Variants in TECPR1 observed in about 807,000 individuals in gnomAD.
The protein encoded by TECPR1 is tectonin beta-propeller repeat-containing protein 1.
TECPR1 carries 122 observed loss-of-function variants against 162.4 expected under a neutral mutation model. The ratio of observed to expected loss-of-function variants is 0.75; its 90% CI spans 0.65 to 0.87. The LOEUF (loss-of-function observed/expected upper bound fraction) is 0.87. TECPR1 is among the 40% of genes least tolerant of loss of function. The pLI, the probability that TECPR1 is intolerant of heterozygous loss-of-function variation, is 0.00. For synonymous variants in TECPR1, 642 were observed against 670.6 expected, an observed-to-expected ratio of 0.96 and a Z score of 0.66; for missense variants, 1,432 against 1,618.2, an observed-to-expected ratio of 0.88 and a Z score of 1.97.
chr7:98,239,060 T>C (rs146077507), intron 8 of TECPR1, among the ~76,000 whole-genome samples: 172 of 152,386 alleles, frequency 1.1e-3, no homozygotes, highest in African/African-American at 4.0e-3. Context: ...TAAAGTGAAG[T>C]ATTTTCATGT....
At chr7:98,239,439 C>T (rs1798690515) in intron 8 of TECPR1, among the ~76,000 whole-genome samples, 1 of 152,186 alleles carries the variant, frequency 6.6e-6, no homozygotes, top group Non-Finnish European at 1.5e-5. Context: ...CTTGGAACCC[C>T]AGCTACTTGG....
rs1167165428 is a variant in TECPR1, at chr7:98,232,166, C to T, written c.1819-207G>A. On this transcript the variant is annotated intron_variant, in intron 12 of 25. Coordinates refer to ENST00000447648, the MANE Select transcript of TECPR1 (RefSeq NM_015395.3). This position sits in a 1 kb window ranked among gnomAD's most constrained non-coding sequence, Gnocchi z 4.6. ...GGTGCAGGCTGAGCCAGGGCTGTTCCGTACAACCTCCTCTCTCTCAAACAG... is the reference window on the plus strand; with the variant it reads ...GGTGCAGGCTGAGCCAGGGCTGTTCTGTACAACCTCCTCTCTCTCAAACAG... Among the ~76,000 whole-genome samples, 1 of 152,130 alleles carries T rather than the reference C, an allele frequency of 6.6e-6. No individual in the cohort carries two copies. Among genetic ancestry groups the T allele is most frequent in the African/African-American group, 2.4e-5 (1 of 41,436 alleles).
chr7:98,245,833 G>A, intron 3 of TECPR1, 89 bp downstream of exon 3: 1 of 1,195,936 alleles, frequency 8.4e-7, no homozygotes, highest in East Asian at 2.6e-5. Flanking sequence ...GGGAATCTGG[G>A]GCCTCTATTT....
intron 17 of TECPR1, among the ~76,000 whole-genome samples, chr7:98,225,993 C>A (rs1483648745): frequency 6.6e-6 from 1 of 152,196 alleles, no homozygotes; most frequent in Admixed American, 6.5e-5. Context: ...ACTCGAGTGG[C>A]AGGAAGCAGC....
At position 98,222,486 on chromosome 7, in the gene TECPR1, G is replaced by C. The variant is rs1798166661; in HGVS notation, c.2964C>G (p.Pro988=). 6.3e-7 allele frequency: 1 copy of C among 1,592,470 alleles called. No homozygotes were observed. Among genetic ancestry groups the C allele is most frequent in the Non-Finnish European group, 8.5e-7 (1 of 1,170,950 alleles). The change falls in exon 22 of 26, where the codon CCC becomes CCG. Residue 988 remains proline, a synonymous_variant. Transcript: ENST00000447648. ...SSWLHVGTDQ[P]FASISIGACY... is the part of the protein sequence containing the mutation. ...AGGCCCCGATGGAGATGGAGGCGAAGGGCTGGTCGGTGCCAACGTGCAGCC... is the reference window on the plus strand; with the variant it reads ...AGGCCCCGATGGAGATGGAGGCGAACGGCTGGTCGGTGCCAACGTGCAGCC...
intron 3 of TECPR1, among the ~76,000 whole-genome samples, chr7:98,245,315 T>G (rs1171935470): frequency 6.6e-6 from 1 of 152,236 alleles, no homozygotes; most frequent in African/African-American, 2.4e-5. Flanking sequence ...GCCACGGCGC[T>G]GTGAGCAGGG....
chr7:98,239,751 C>T (rs887672243), intron 8 of TECPR1, among the ~76,000 whole-genome samples: 3 of 152,002 alleles, frequency 2.0e-5, no homozygotes, highest in African/African-American at 7.3e-5. Context: ...ACTGGAGATA[C>T]AGATGCAGAC....
At chr7:98,244,458 AG>A in intron 5 of TECPR1, 112 bp downstream of exon 5, 1 of 1,398,984 alleles carries the variant, frequency 7.1e-7, no homozygotes, top group South Asian at 1.4e-5. Context: ...CCAGGTCCCG[AG>A]GTGGGCGTGG....
chr7:98,234,705 C>CTTTTTTTT (rs34332931), intron 10 of TECPR1, among the ~76,000 whole-genome samples: 7 of 73,506 alleles, frequency 9.5e-5, no homozygotes, highest in Admixed American at 1.7e-4. Context: ...TTGTTATTGT[C>CTTTTTTTT]TTTTTTTTTT....
Position 98,215,825 on chromosome 7 carries a change from G to C in TECPR1, c.*1565C>G, listed in dbSNP as rs1797993111. Reference sequence around the variant, plus strand: ...GATTGATCTGAGAGCTTCACAGCCGGCGGCACTGGGACCCATTTCCAGAAA... The same window carrying C: ...GATTGATCTGAGAGCTTCACAGCCGCCGGCACTGGGACCCATTTCCAGAAA... On this transcript the variant is annotated 3_prime_UTR_variant, in exon 26 of 26. Coordinates refer to ENST00000447648, the MANE Select transcript of TECPR1 (RefSeq NM_015395.3). 1 of 152,250 alleles carries C rather than the reference G, an allele frequency of 6.6e-6. No individual in the cohort carries two copies. Among genetic ancestry groups the C allele is most frequent in the African/African-American group, 2.4e-5 (1 of 41,456 alleles). 9.4% of individuals were successfully genotyped at this position (152,250 alleles called of 1,614,324 possible).
At position 98,231,128 on chromosome 7, in the gene TECPR1, C is replaced by T. The variant is rs1417419848; in HGVS notation, c.2125-10G>A. The stretch of plus-strand genomic sequence containing the variant: ...GGCTGAGCAGGGCGAGCTGGTGTGG[C>T]ACAATGCCGGTCACTGCTGAGCAGG... On this transcript the variant is annotated splice_polypyrimidine_tract_variant and intron_variant, in intron 14 of 25. Coordinates refer to ENST00000447648, the MANE Select transcript of TECPR1 (RefSeq NM_015395.3). 4 of 1,602,010 alleles carry T rather than the reference C, an allele frequency of 2.5e-6. No individual in the cohort carries two copies. Among genetic ancestry groups the T allele is most frequent in the Non-Finnish European group, 3.4e-6 (4 of 1,176,026 alleles).
intron 3 of TECPR1, among the ~76,000 whole-genome samples, chr7:98,245,427 C>T (rs546968972): frequency 1.0e-3 from 158 of 152,286 alleles, no homozygotes; most frequent in African/African-American, 3.7e-3. Flanking sequence ...ACAATAGTGG[C>T]TTCAGCCTCA....
intron 16 of TECPR1, chr7:98,228,378 C>T (rs1377317797): frequency 8.9e-6 from 4 of 448,616 alleles, no homozygotes; most frequent in Non-Finnish European, 1.2e-5. Context: ...CATCCACACC[C>T]CTCCAGCGCC....
In TECPR1 at chr7:98,241,371, T is replaced by G; in HGVS notation, c.658-127A>C. ...CGTCCAGATCTCACTCCCTGCCCCC[T>G]ACCCCGGCCAAAAAACGCAAACCCT... is the stretch of plus-strand genomic sequence containing the variant. On this transcript the variant is annotated intron_variant, in intron 6 of 25. Coordinates refer to ENST00000447648, the MANE Select transcript of TECPR1 (RefSeq NM_015395.3). This position sits in a 1 kb window ranked among gnomAD's most constrained non-coding sequence, Gnocchi z 5.0. 8.4e-7 allele frequency: 1 copy of G among 1,190,212 alleles called. No individual in the cohort carries two copies. Among genetic ancestry groups the G allele is most frequent in the Non-Finnish European group, 1.2e-6 (1 of 848,804 alleles). 73.7% of individuals were successfully genotyped at this position (1,190,212 alleles called of 1,614,324 possible).
At chr7:98,221,382 TCC>T (rs1011596210) in intron 23 of TECPR1, among the ~76,000 whole-genome samples, 4 of 152,126 alleles carry the variant, frequency 2.6e-5, no homozygotes, top group African/African-American at 9.7e-5. Context: ...AGGTGGATAC[TCC>T]CTTTACCCTG....
intron 3 of TECPR1, 170 bp from the exon 4 acceptor site, chr7:98,245,237 C>A: frequency 1.5e-6 from 1 of 681,062 alleles, no homozygotes; most frequent in South Asian, 1.9e-5. Context: ...CTGGGGACCC[C>A]CATGCCACTT....
chr7:98,233,764 G>C lies in TECPR1; in HGVS notation c.1329C>G (p.Asn443Lys). ...PLDDSKNATG[N>K]SASGLGAGRT... Reference sequence around the variant, plus strand: ...TGCCAGCCCCCAGGCCTGAGGCTGAGTTCCCTGTGGCATTCTTGGAATCGT... The same window carrying C: ...TGCCAGCCCCCAGGCCTGAGGCTGACTTCCCTGTGGCATTCTTGGAATCGT... The change falls in exon 11 of 26, where the codon AAC becomes AAG. Residue 443 changes from asparagine (N) to lysine (K), a missense_variant. By Grantham distance (94) the Asn-to-Lys change is moderately conservative (BLOSUM62 0). Coordinates refer to ENST00000447648, the MANE Select transcript of TECPR1 (RefSeq NM_015395.3). The C allele has an allele frequency of 6.2e-7, 1 of 1,612,622 alleles. No homozygotes were observed. The highest frequency in any genetic ancestry group is 8.5e-7 in the Non-Finnish European group (1 of 1,179,762).
At chr7:98,237,007 G>T in intron 9 of TECPR1, 86 bp from the exon 10 acceptor site, 1 of 1,391,548 alleles carries the variant, frequency 7.2e-7, no homozygotes, top group South Asian at 1.5e-5. Context: ...ATGCAGGCAG[G>T]GTCCTCCATG....
chr7:98,216,356 C>T lies in TECPR1; in HGVS notation c.*1034G>A, dbSNP rs893736252. On this transcript the variant is annotated 3_prime_UTR_variant, in exon 26 of 26. Transcript: ENST00000447648. ...CCCTCCTACAACATGATTTGACATC[C>T]AAGAAGCCCCTGTCACCAGCGCATC... 2.0e-5 allele frequency: 3 copies of T among 152,406 alleles called. No homozygotes were observed. In the East Asian group the frequency reaches 5.8e-4, roughly 29 times the overall value. The allele number at this position is 152,406 out of a possible 1,614,324, so 9.4% of individuals were successfully genotyped here.
Sources: allele counts gnomAD v4.1 joint callset (sites outside exome capture counted in the v4.1 genomes callset), GRCh38; gene constraint gnomAD v4.1.1; non-coding constraint Gnocchi (gnomAD v3.1); transcripts MANE v1.5; gene names NCBI Gene and HGNC (gene_info 2026-07-23, HGNC 2026-07-21).